Variants in COQ7 observed in about 807,000 individuals in gnomAD.
COQ7 encodes the protein NADPH-dependent 3-demethoxyubiquinone 3-hydroxylase, mitochondrial.
In COQ7, 21 loss-of-function variants were observed where a neutral mutation model predicts 25.0. The ratio of observed to expected loss-of-function variants is 0.84; its 90% CI spans 0.60 to 1.21. The LOEUF (loss-of-function observed/expected upper bound fraction) is 1.21, where lower values mean the gene tolerates loss of function less well. COQ7 is among the 50% of genes most tolerant of loss of function. The pLI, the probability that COQ7 is intolerant of heterozygous loss-of-function variation, is 0.00. For synonymous variants in COQ7, 125 were observed against 112.4 expected, an observed-to-expected ratio of 1.11 and a Z score of -0.71; for missense variants, 311 against 296.2, an observed-to-expected ratio of 1.05 and a Z score of -0.37.
chr16:19,076,694 C>T (rs758204598), intron 4 of COQ7, among the ~76,000 whole-genome samples: 22 of 149,224 alleles, frequency 1.5e-4, no homozygotes, highest in Non-Finnish European at 3.0e-4. Context: ...CGGGTTCCAG[C>T]GATTCTCCTG....
chr16:19,078,220 A>G lies in COQ7; in HGVS notation c.*62A>G. ...GTAATTTACCAAGTGACATTTGCAGAGAAACAGGTGTACAGTTATCGTTGT... is the reference window on the plus strand; with the variant it reads ...GTAATTTACCAAGTGACATTTGCAGGGAAACAGGTGTACAGTTATCGTTGT... On this transcript the variant is annotated 3_prime_UTR_variant, in exon 6 of 6. Coordinates refer to ENST00000321998, the MANE Select transcript of COQ7 (RefSeq NM_016138.5). 2 of 1,269,270 alleles carry G rather than the reference A, an allele frequency of 1.6e-6. No individual in the cohort carries two copies. Among genetic ancestry groups the G allele is most frequent in the Non-Finnish European group, 2.3e-6 (2 of 881,274 alleles). 78.6% of individuals were successfully genotyped at this position (1,269,270 alleles called of 1,614,324 possible).
rs780216670 is a variant in COQ7, at chr16:19,078,078, C to T, written c.577-3C>T. 4 of 1,587,730 alleles carry T rather than the reference C, an allele frequency of 2.5e-6. No homozygotes were observed. The highest frequency in any genetic ancestry group is 1.2e-5 in the South Asian group (1 of 86,920). On this transcript the variant is annotated splice_region_variant and splice_polypyrimidine_tract_variant and intron_variant, in intron 5 of 5. Transcript: ENST00000321998. ...TTCTTTGTTTGCTTATTGTTTTTAA[C>T]AGGCTCCAGCCTATGCCGTCCTGAA...
At chr16:19,071,224 C>T (rs1962540145) in intron 1 of COQ7, among the ~76,000 whole-genome samples, 1 of 152,202 alleles carries the variant, frequency 6.6e-6, no homozygotes, top group Non-Finnish European at 1.5e-5. Flanking sequence ...CAATCTCTGC[C>T]TCCCGGTTTC....
chr16:19,067,821 CGG>C, intron 1 of COQ7, 84 bp downstream of exon 1: 1 of 1,541,526 alleles, frequency 6.5e-7, no homozygotes, highest in Non-Finnish European at 8.6e-7. Flanking sequence ...GAAGAGGTCA[CGG>C]GGGAGAGGTT....
chr16:19,067,748 G>A lies in COQ7; in HGVS notation c.73+11G>A, dbSNP rs1194721488. The A allele has an allele frequency of 6.3e-7, 1 of 1,598,880 alleles. No homozygotes were observed. The highest frequency in any genetic ancestry group is 8.5e-7 in the Non-Finnish European group (1 of 1,177,530). On this transcript the variant is annotated intron_variant, in intron 1 of 5. Coordinates refer to ENST00000321998, the MANE Select transcript of COQ7 (RefSeq NM_016138.5). ...GGCGGTCCCTCTCAGGTAAAAGGAG[G>A]CGCGCAGTCACAGTCCTGCGCCGGT... is the stretch of plus-strand genomic sequence containing the variant.
At chr16:19,080,951 T>C (rs1223669097), downstream of COQ7, among the ~76,000 whole-genome samples, 1 of 152,156 alleles carries the variant, frequency 6.6e-6, no homozygotes, top group Non-Finnish European at 1.5e-5. Context: ...TATCTTTAGA[T>C]TGTGATATTA....
At chr16:19,070,689 T>G (rs1248153516) in intron 1 of COQ7, among the ~76,000 whole-genome samples, 2 of 151,800 alleles carry the variant, frequency 1.3e-5, no homozygotes, top group Non-Finnish European at 2.9e-5. Context: ...AGGTGGAGTT[T>G]GCGGTGAGCC....
chr16:19,079,285 T>C lies in COQ7; in HGVS notation c.*1127T>C, dbSNP rs1022179689. 3.3e-5 allele frequency: 5 copies of C among 152,188 alleles called. No individual in the cohort carries two copies. The highest frequency in any genetic ancestry group is 4.8e-5 in the African/African-American group (2 of 41,452). 9.4% of individuals were successfully genotyped at this position (152,188 alleles called of 1,614,324 possible). ...CCACCCAGACTGTGGTATTTTGTTA[T>C]AGCAGCCTGAACAGACTAAGACGGG... On this transcript the variant is annotated 3_prime_UTR_variant, in exon 6 of 6. Coordinates refer to ENST00000321998, the MANE Select transcript of COQ7 (RefSeq NM_016138.5).
chr16:19,074,132 T>A, intron 3 of COQ7, 97 bp downstream of exon 3: 1 of 851,312 alleles, frequency 1.2e-6, no homozygotes, highest in Non-Finnish European at 1.8e-6. Flanking sequence ...TGTCCTCTTA[T>A]GACCTCATTC....
rs771061330 is a variant in COQ7, at chr16:19,067,719, G to C, written c.55G>C (p.Ala19Pro). The change falls in exon 1 of 6, where the codon GCC becomes CCC. Residue 19 changes from alanine (A) to proline (P), a missense_variant. Coordinates refer to ENST00000321998, the MANE Select transcript of COQ7 (RefSeq NM_016138.5). Reference sequence around the variant, plus strand: ...CCGCCTTTGGCGGCTGCGCCCGGGGGCCCGGCGGTCCCTCTCAGGTAAAAG... The same window carrying C: ...CCGCCTTTGGCGGCTGCGCCCGGGGCCCCGGCGGTCCCTCTCAGGTAAAAG... ...APRLWRLRPG[A>P]RRSLSAYGRR... 4 of 1,605,682 alleles carry C rather than the reference G, an allele frequency of 2.5e-6. No individual in the cohort carries two copies. The highest frequency in any genetic ancestry group is 2.2e-5 in the East Asian group (1 of 44,792).
intron 4 of COQ7, among the ~76,000 whole-genome samples, 169 bp from the exon 5 acceptor site, chr16:19,077,137 C>T (rs1023638986): frequency 2.6e-5 from 4 of 152,212 alleles, no homozygotes; most frequent in African/African-American, 9.7e-5. Flanking sequence ...TTTCTGGTTA[C>T]AGTGGCAGAG....
At chr16:19,068,760 AC>A (rs1962385910) in intron 1 of COQ7, 1 of 359,546 alleles carries the variant, frequency 2.8e-6, no homozygotes, top group African/African-American at 2.1e-5. Flanking sequence ...TACTGCTTGA[AC>A]TTTTGATTAC....
intron 1 of COQ7, among the ~76,000 whole-genome samples, chr16:19,070,367 T>C (rs1962491931): frequency 6.6e-6 from 1 of 152,204 alleles, no homozygotes; most frequent in South Asian, 2.1e-4. Context: ...CTGTTGAAGT[T>C]AGCCTAAGTG....
At chr16:19,067,779 G>T in intron 1 of COQ7, 42 bp downstream of exon 1, 1 of 1,576,724 alleles carries the variant, frequency 6.3e-7, no homozygotes, top group Admixed American at 1.9e-5. Flanking sequence ...CCGGTCTAGC[G>T]AGCTAGGGAA....
At chr16:19,076,890 C>G (rs866359679) in intron 4 of COQ7, among the ~76,000 whole-genome samples, 1 of 152,342 alleles carries the variant, frequency 6.6e-6, no homozygotes, top group African/African-American at 2.4e-5. Flanking sequence ...CCGCGCCCGG[C>G]CCACTTCTTT....
chr16:19,069,655 C>G (rs1016347682), intron 1 of COQ7, among the ~76,000 whole-genome samples: 1 of 152,042 alleles, frequency 6.6e-6, no homozygotes, highest in South Asian at 2.1e-4. Flanking sequence ...AAGTGATTCT[C>G]CCTCCTTGGC....
chr16:19,072,571 G>C lies in COQ7; in HGVS notation c.252+465G>C, dbSNP rs374680914. Among the ~76,000 whole-genome samples, 11 of 152,218 alleles carry C rather than the reference G, an allele frequency of 7.2e-5. No individual in the cohort carries two copies. In the East Asian group the frequency reaches 1.2e-3, roughly 16 times the overall value. ...TTGAGGATGGCACAGGACTTCTCTG[G>C]GTTTCCATTTCCGTATCTGCAAAAT... is the stretch of plus-strand genomic sequence containing the variant. On this transcript the variant is annotated intron_variant, in intron 2 of 5. Coordinates refer to ENST00000321998, the MANE Select transcript of COQ7 (RefSeq NM_016138.5).
At position 19,068,900 on chromosome 16, in the gene COQ7, A is replaced by C. The variant is rs775743168; in HGVS notation, c.73+1163A>C. On this transcript the variant is annotated intron_variant, in intron 1 of 5. Coordinates refer to ENST00000321998, the MANE Select transcript of COQ7 (RefSeq NM_016138.5). ...ATGGGTGAGTAATCATTAAAAAAAA[A>C]CAAACAAATTAAAAAGTTATGAAAT... 5.1e-4 allele frequency: 160 copies of C among 315,518 alleles called. 3 individuals are homozygous for C. Among genetic ancestry groups the C allele is most frequent in the Non-Finnish European group, 8.0e-4 (128 of 160,188 alleles). 19.5% of individuals were successfully genotyped at this position (315,518 alleles called of 1,614,324 possible). A position where few individuals can be genotyped will look rare whatever the true frequency, so the allele number is the denominator to read the frequency against.
chr16:19,073,991 C>A lies in COQ7; in HGVS notation c.323C>A (p.Pro108Gln). Residue 108 changes from proline (P) to glutamine (Q), a missense_variant, in exon 3 of 6, where the codon CCA becomes CAA. By Grantham distance (76) the Pro-to-Gln change is moderately conservative. Transcript: ENST00000321998. ...NELMVTFRVRPTVLMPLWNVL... is the reference protein window; with the variant it reads ...NELMVTFRVRQTVLMPLWNVL... ...TTGATGGTTACGTTCAGGGTCCGGC[C>A]AACAGTTCTGATGCCCTTGTGGAAC... The A allele has an allele frequency of 6.2e-7, 1 of 1,613,556 alleles. No individual in the cohort carries two copies. The highest frequency in any genetic ancestry group is 1.7e-5 in the Admixed American group (1 of 59,858).
Sources: allele counts gnomAD v4.1 joint callset (sites outside exome capture counted in the v4.1 genomes callset), GRCh38; gene constraint gnomAD v4.1.1; transcripts MANE v1.5; gene names NCBI Gene and HGNC (gene_info 2026-07-23, HGNC 2026-07-21).